TPCN1: variants seen among roughly 807,000 people sequenced by gnomAD.
TPCN1 encodes the protein two pore channel protein 1.
In TPCN1, 52 loss-of-function variants were observed where a neutral mutation model predicts 108.8. The observed-to-expected ratio is 0.48, with a 90% CI of 0.38 to 0.60. TPCN1 has a LOEUF of 0.60. Among genes scored for constraint, TPCN1 ranks in the 20% least tolerant of loss-of-function variants. The pLI, the probability that TPCN1 is intolerant of heterozygous loss-of-function variation, is 0.00. For missense variants in TPCN1, 806 were observed against 1,072.8 expected (o/e 0.75, Z 3.47); for synonymous variants, 446 against 433.7 (o/e 1.03, Z -0.35).
chr12:113,246,825 G>A (rs1013829239), intron 2 of TPCN1, among the ~76,000 whole-genome samples: 8 of 152,180 alleles, frequency 5.3e-5, no homozygotes, highest in East Asian at 1.9e-4. Context: ...TCCGTGGTCC[G>A]TAATGAGCAC....
intron 2 of TPCN1, among the ~76,000 whole-genome samples, chr12:113,251,825 C>T (rs1230642217): frequency 1.3e-5 from 2 of 152,194 alleles, no homozygotes; most frequent in Admixed American, 6.5e-5. Flanking sequence ...GGAGTGACAC[C>T]GTGAGACTTC....
intron 12 of TPCN1, 69 bp from the exon 13 acceptor site, chr12:113,278,120 A>G: frequency 7.1e-7 from 1 of 1,407,086 alleles, no homozygotes. Flanking sequence ...TAGGCAGGCA[A>G]GTAAGAGAAG....
intron 2 of TPCN1, among the ~76,000 whole-genome samples, chr12:113,257,753 A>G (rs760638122): frequency 4.6e-5 from 7 of 152,222 alleles, no homozygotes; most frequent in Non-Finnish European, 7.4e-5. Context: ...ACTAGAAACA[A>G]TCTTAGCTGT....
rs758930507 is a variant in TPCN1, at chr12:113,288,277, G to A, written c.1706+43G>A. 9 of 1,612,744 alleles carry A rather than the reference G, an allele frequency of 5.6e-6. No individual in the cohort carries two copies. Among genetic ancestry groups the A allele is most frequent in the Non-Finnish European group, 6.8e-6 (8 of 1,179,638 alleles). On this transcript the variant is annotated intron_variant, in intron 20 of 27. Transcript: ENST00000335509. This position sits in a 1 kb window ranked among gnomAD's most constrained non-coding sequence, Gnocchi z 4.8. ...CCTGGCCTGCAGGTCCAGGTGCCGT[G>A]TGGCAGTGCCCCGTGGGGGCGGGAG...
At chr12:113,240,947 T>C (rs1466986858) in intron 2 of TPCN1, among the ~76,000 whole-genome samples, 1 of 152,174 alleles carries the variant, frequency 6.6e-6, no homozygotes, top group Non-Finnish European at 1.5e-5. Flanking sequence ...GGTTTCACCA[T>C]GTTGGCCAGG....
rs1180723331 is a variant in TPCN1, at chr12:113,255,892, C to T, written c.113-4476C>T. ...CAGGCTGGAGTGCAGTAGCTATGAT[C>T]ATAGCTCACTCTAGCCTTGACCTCT... On this transcript the variant is annotated intron_variant, in intron 2 of 27. Coordinates refer to ENST00000335509, the MANE Select transcript of TPCN1 (RefSeq NM_017901.6). Among the ~76,000 whole-genome samples the T allele has an allele frequency of 3.3e-5, 5 of 151,702 alleles. No homozygotes were observed. The East Asian group carries it at 5.8e-4, about 18-fold the overall frequency.
intron 2 of TPCN1, among the ~76,000 whole-genome samples, chr12:113,227,885 G>A (rs1342495764): frequency 2.0e-5 from 3 of 152,296 alleles, no homozygotes; most frequent in Middle Eastern, 3.4e-3. Flanking sequence ...ATGAAGGAGA[G>A]CAGTGTTTCC....
intron 2 of TPCN1, among the ~76,000 whole-genome samples, chr12:113,247,015 G>A (rs1954421377): frequency 6.6e-6 from 1 of 152,188 alleles, no homozygotes; most frequent in African/African-American, 2.4e-5. Flanking sequence ...GTGGGCAGTA[G>A]GAGGTCAGAA....
At chr12:113,227,971 C>G (rs1953535587) in intron 2 of TPCN1, among the ~76,000 whole-genome samples, 1 of 152,202 alleles carries the variant, frequency 6.6e-6, no homozygotes, top group Admixed American at 6.5e-5. Flanking sequence ...TCACCCTCAT[C>G]TAGGGTGGCA....
chr12:113,259,711 C>G (rs1954953295), intron 2 of TPCN1, among the ~76,000 whole-genome samples: 1 of 152,192 alleles, frequency 6.6e-6, no homozygotes, highest in South Asian at 2.1e-4. Flanking sequence ...GCAGCTATGC[C>G]TGAATGCCCA....
At chr12:113,286,898 G>A in intron 18 of TPCN1, 89 bp from the exon 19 acceptor site, 2 of 863,358 alleles carry the variant, frequency 2.3e-6, no homozygotes, top group Non-Finnish European at 3.8e-6. Context: ...GGCTCTGTGG[G>A]AGGGTGGCTG....
intron 15 of TPCN1, among the ~76,000 whole-genome samples, chr12:113,282,770 A>C (rs1465759229): frequency 6.7e-6 from 1 of 149,838 alleles, no homozygotes; most frequent in Non-Finnish European, 1.5e-5. Flanking sequence ...AAGAAAAAAA[A>C]ACCCAAATTT....
intron 1 of TPCN1, chr12:113,225,376 T>C (rs2136425797): frequency 2.7e-6 from 1 of 366,974 alleles, no homozygotes; most frequent in Non-Finnish European, 5.5e-6. Flanking sequence ...TTCTTTGAAG[T>C]CTTTACAAAA....
intron 17 of TPCN1, 83 bp from the exon 18 acceptor site, chr12:113,285,806 A>C: frequency 8.4e-7 from 1 of 1,191,458 alleles, no homozygotes; most frequent in South Asian, 1.2e-5. Context: ...GAGGCTGCAG[A>C]CTGTGGAGGA....
chr12:113,291,471 T>TTCC (rs1956264010), intron 23 of TPCN1, 138 bp from the exon 24 acceptor site: 1 of 736,010 alleles, frequency 1.4e-6, no homozygotes, highest in African/African-American at 1.7e-5. Context: ...AGGGGCAAGC[T>TTCC]TCCTCTCCTC....
At chr12:113,264,700 T>C (rs1955183793) in intron 3 of TPCN1, among the ~76,000 whole-genome samples, 1 of 151,844 alleles carries the variant, frequency 6.6e-6, no homozygotes. Context: ...AAAAAAAAAG[T>C]TGTTACATAA....
chr12:113,244,346 TC>T (rs1954265738), intron 2 of TPCN1: 10 of 985,394 alleles, frequency 1.0e-5, no homozygotes, highest in Non-Finnish European at 1.2e-5. Context: ...CTGTGCCAGT[TC>T]TTGCCTTTCT....
At chr12:113,278,688 G>C (rs1385298197) in intron 13 of TPCN1, 84 bp from the exon 14 acceptor site, 4 of 1,145,870 alleles carry the variant, frequency 3.5e-6, no homozygotes, top group African/African-American at 3.1e-5. Flanking sequence ...AGGGTGAACA[G>C]GAAAGGAAGC....
intron 10 of TPCN1, among the ~76,000 whole-genome samples, chr12:113,274,790 C>T (rs903974138): frequency 1.3e-5 from 2 of 152,150 alleles, no homozygotes; most frequent in Non-Finnish European, 2.9e-5. Flanking sequence ...TGTGATTTGC[C>T]CATGGCTACA....
Sources: allele counts gnomAD v4.1 joint callset (sites outside exome capture counted in the v4.1 genomes callset), GRCh38; gene constraint gnomAD v4.1.1; non-coding constraint Gnocchi (gnomAD v3.1); transcripts MANE v1.5; gene names NCBI Gene and HGNC (gene_info 2026-07-23, HGNC 2026-07-21).